Variants in ASZ1 observed in about 807,000 individuals in gnomAD.
ASZ1 encodes the protein ankyrin repeat, SAM and basic leucine zipper domain containing 1, also known as ankyrin repeat, SAM and basic leucine zipper domain-containing protein 1.
Under a neutral mutation model 61.8 loss-of-function variants are expected in ASZ1, and 67 were observed. That is an observed-to-expected ratio of 1.08 (90% CI 0.89 to 1.33). ASZ1 has a LOEUF of 1.33. Among genes scored for constraint, ASZ1 ranks in the 40% most tolerant of loss-of-function variants. The probability of loss-of-function intolerance (pLI) is 0.00; values close to 1 mark genes in which losing one functional copy is unlikely to be tolerated. For synonymous variants in ASZ1, 193 were observed against 192.7 expected, an observed-to-expected ratio of 1.00 and a Z score of -0.01; for missense variants, 577 against 554.5, an observed-to-expected ratio of 1.04 and a Z score of -0.41.
At chr7:117,375,000 G>A (rs902647147) in intron 10 of ASZ1, among the ~76,000 whole-genome samples, 15 of 152,046 alleles carry the variant, frequency 9.9e-5, no homozygotes, top group African/African-American at 3.1e-4. Context: ...TAGAAGGTGG[G>A]GAAAAACATT....
Position 117,420,194 on chromosome 7 carries a change from A to G in ASZ1, c.409T>C (p.Ser137Pro), listed in dbSNP as rs1431384068. Residue 137 changes from serine to proline, a missense_variant, in exon 4 of 13, where the codon TCA becomes CCA. Transcript: ENST00000284629. ...GCAACATTTGGATCAGCATTTCTTGAAAGTAGTAGTTCTACACACTTCAAG... is the reference window on the plus strand; with the variant it reads ...GCAACATTTGGATCAGCATTTCTTGGAAGTAGTAGTTCTACACACTTCAAG... ...QILKCVELLL[S>P]RNADPNVACR... The G allele has an allele frequency of 2.5e-6, 4 of 1,611,558 alleles. No individual in the cohort carries two copies. The highest frequency in any genetic ancestry group is 1.7e-4 in the Middle Eastern group (1 of 6,028).
At chr7:117,376,775 C>T (rs771179048) in intron 10 of ASZ1, among the ~76,000 whole-genome samples, 3 of 152,008 alleles carry the variant, frequency 2.0e-5, no homozygotes, top group Admixed American at 6.6e-5. Flanking sequence ...ATGAATAGCG[C>T]ATAACTTCCC....
rs144459205 is a variant in ASZ1 at position 117,388,712 on chromosome 7, C to T, written c.441-2903G>A. Among the ~76,000 whole-genome samples the T allele has an allele frequency of 1.1e-3, 167 of 152,144 alleles. 1 individual carries two copies. In the East Asian group the frequency reaches 0.028, roughly 26 times the overall value. On this transcript the variant is annotated intron_variant, in intron 4 of 12. Coordinates refer to ENST00000284629, the MANE Select transcript of ASZ1 (RefSeq NM_130768.3). The stretch of plus-strand genomic sequence containing the variant: ...ATTTAATGGTGAAAGAGTACTTTCC[C>T]CCAACATCAGAAACAAGACAAGGAT...
chr7:117,364,179 G>T (rs1411574135), intron 12 of ASZ1, among the ~76,000 whole-genome samples: 3 of 152,160 alleles, frequency 2.0e-5, no homozygotes, highest in African/African-American at 7.2e-5. Context: ...AAAACGAGAA[G>T]ATCAGATGCT....
intron 10 of ASZ1, among the ~76,000 whole-genome samples, chr7:117,377,698 T>C (rs1796162228): frequency 1.3e-5 from 2 of 152,050 alleles, no homozygotes; most frequent in South Asian, 4.2e-4. Context: ...AAAAGCTTTA[T>C]CTAAAATGTA....
At chr7:117,368,159 T>A in intron 11 of ASZ1, 1 of 770,482 alleles carries the variant, frequency 1.3e-6, no homozygotes. Context: ...ACTCCTGGCC[T>A]CAAGCAATTC....
At chr7:117,427,181 G>T (rs1797238466) in intron 1 of ASZ1, among the ~76,000 whole-genome samples, 175 bp downstream of exon 1, 1 of 152,178 alleles carries the variant, frequency 6.6e-6, no homozygotes, top group Non-Finnish European at 1.5e-5. Context: ...CCACAGTTGG[G>T]GAGGGAACAC....
chr7:117,394,002 T>C (rs1373431419), intron 4 of ASZ1, among the ~76,000 whole-genome samples: 1 of 152,326 alleles, frequency 6.6e-6, no homozygotes, highest in South Asian at 2.1e-4. Flanking sequence ...AGAAAAGAGA[T>C]GTTTACTTTT....
At chr7:117,365,372 G>A (rs151098511) in intron 12 of ASZ1, among the ~76,000 whole-genome samples, 1 of 152,138 alleles carries the variant, frequency 6.6e-6, no homozygotes, top group African/African-American at 2.4e-5. Context: ...AAATAAATAT[G>A]GTACCTGATT....
Position 117,382,968 on chromosome 7 carries a change from TA to T in ASZ1, c.812+17del. The T allele has an allele frequency of 6.5e-7, 1 of 1,536,686 alleles. No individual in the cohort carries two copies. Reference sequence around the variant, plus strand: ...TTTACTTATAGGTATTCTGTTGAACTAAAACATGCTATATTACCTAAAAATG... The same window carrying T: ...TTTACTTATAGGTATTCTGTTGAACTAAACATGCTATATTACCTAAAAATG... On this transcript the variant is annotated intron_variant, in intron 7 of 12. Transcript: ENST00000284629.
chr7:117,397,890 C>T (rs1796605953), intron 4 of ASZ1, among the ~76,000 whole-genome samples: 3 of 152,364 alleles, frequency 2.0e-5, no homozygotes, highest in South Asian at 4.1e-4. Flanking sequence ...TGCCAGTCCA[C>T]TCTGGCCTCT....
intron 4 of ASZ1, among the ~76,000 whole-genome samples, chr7:117,415,861 C>T (rs1296844897): frequency 1.3e-5 from 2 of 152,164 alleles, no homozygotes; most frequent in African/African-American, 2.4e-5. Context: ...ACAGCATACA[C>T]CAAACATGAT....
At chr7:117,427,298 T>G in intron 1 of ASZ1, 58 bp downstream of exon 1, 2 of 1,573,212 alleles carry the variant, frequency 1.3e-6, no homozygotes, top group South Asian at 2.2e-5. Context: ...GGGCCTCGCC[T>G]TCGAGGGCCA....
intron 4 of ASZ1, among the ~76,000 whole-genome samples, chr7:117,397,044 TATTTA>T (rs1404717441): frequency 2.0e-5 from 3 of 151,318 alleles, no homozygotes; most frequent in Non-Finnish European, 4.4e-5. Context: ...AAAATAAAAT[TATTTA>T]ATTTAATAAC....
intron 4 of ASZ1, among the ~76,000 whole-genome samples, chr7:117,413,533 T>C (rs1408248608): frequency 6.6e-6 from 1 of 152,066 alleles, no homozygotes; most frequent in African/African-American, 2.4e-5. Context: ...TACACTGTGT[T>C]AAATATTGTC....
chr7:117,372,822 T>C (rs981456707), intron 10 of ASZ1, among the ~76,000 whole-genome samples: 3 of 152,184 alleles, frequency 2.0e-5, no homozygotes, highest in African/African-American at 4.8e-5. Flanking sequence ...ATAACTGACA[T>C]TGTGCTTCAC....
intron 4 of ASZ1, among the ~76,000 whole-genome samples, chr7:117,397,495 T>G (rs566456612): frequency 2.6e-5 from 4 of 152,320 alleles, no homozygotes; most frequent in Admixed American, 6.5e-5. Context: ...ATAAAAAATA[T>G]CTAGTGCTGT....
At chr7:117,390,644 C>A (rs2157946) in intron 4 of ASZ1, among the ~76,000 whole-genome samples, 81,893 of 152,108 alleles carry the variant, frequency 0.54, 24,924 homozygotes, top group African/African-American at 0.84. Flanking sequence ...ACTAATTTAC[C>A]TTCTGCCAGC....
At chr7:117,422,485 T>G in intron 2 of ASZ1, 126 bp from the exon 3 acceptor site, 1 of 1,091,980 alleles carries the variant, frequency 9.2e-7, no homozygotes, top group African/African-American at 1.6e-5. Flanking sequence ...ATGGGAAGTT[T>G]TTAATGGCTT....
Sources: allele counts gnomAD v4.1 joint callset (sites outside exome capture counted in the v4.1 genomes callset), GRCh38; gene constraint gnomAD v4.1.1; transcripts MANE v1.5; gene names NCBI Gene and HGNC (gene_info 2026-07-23, HGNC 2026-07-21).